Variants in SORCS2 observed in about 807,000 individuals in gnomAD.
SORCS2 encodes the protein sortilin related VPS10 domain containing receptor 2.
SORCS2 carries 100 observed loss-of-function variants against 141.6 expected under a neutral mutation model. That is an observed-to-expected ratio of 0.71 (90% CI 0.60 to 0.83). The LOEUF (loss-of-function observed/expected upper bound fraction) is 0.83, where lower values mean the gene tolerates loss of function less well. Among genes scored for constraint, SORCS2 ranks in the 40% least tolerant of loss-of-function variants. The pLI, the probability that SORCS2 is intolerant of heterozygous loss-of-function variation, is 0.00. For missense variants in SORCS2, 1,646 were observed against 1,560.2 expected (o/e 1.05, Z -0.93); for synonymous variants, 789 against 676.9 (o/e 1.17, Z -2.57).
chr4:7,473,409 ACCT>A (rs1230288663), intron 2 of SORCS2, among the ~76,000 whole-genome samples: 5 of 151,970 alleles, frequency 3.3e-5, no homozygotes, highest in African/African-American at 7.2e-5. Context: ...AGGACAGCTG[ACCT>A]CCTCGCAGGG....
chr4:7,539,337 G>A (rs182833062), intron 3 of SORCS2, among the ~76,000 whole-genome samples: 3 of 152,324 alleles, frequency 2.0e-5, no homozygotes, highest in African/African-American at 7.2e-5. Context: ...GGTACCACCT[G>A]CTCTCCAGGC....
rs530381112 is a variant in SORCS2, at chr4:7,559,812, C to A, written c.648+28183C>A. Among the ~76,000 whole-genome samples, 72 of 152,392 alleles carry A rather than the reference C, an allele frequency of 4.7e-4. 1 individual carries two copies. The South Asian group carries it at 0.015, about 32-fold the overall frequency. On this transcript the variant is annotated intron_variant, in intron 3 of 26. Coordinates refer to ENST00000507866, the MANE Select transcript of SORCS2 (RefSeq NM_020777.3). ...AACGGCTCTCCACAAGGGCATAGCC[C>A]AGCACAGGTGCCCACTGACCACTCG...
intron 3 of SORCS2, among the ~76,000 whole-genome samples, chr4:7,559,243 T>G (rs1362966554): frequency 6.6e-6 from 1 of 152,134 alleles, no homozygotes; most frequent in Admixed American, 6.5e-5. Flanking sequence ...CGGGCTTCCA[T>G]GGCTTTTTGT....
Position 7,232,858 on chromosome 4 carries a change from C to T in SORCS2, c.480+39732C>T, listed in dbSNP as rs59679785. Among the ~76,000 whole-genome samples the T allele has an allele frequency of 5.3e-3, 802 of 152,300 alleles. 6 individuals are homozygous for T. The highest frequency in any genetic ancestry group is 0.018 in the African/African-American group (768 of 41,556). Reference sequence around the variant, plus strand: ...CTGTCATGTGTCAGCCTCTGGGGGCCGAGCATGGTCTCAAAGTCAAGATTT... The same window carrying T: ...CTGTCATGTGTCAGCCTCTGGGGGCTGAGCATGGTCTCAAAGTCAAGATTT... On this transcript the variant is annotated intron_variant, in intron 1 of 26. Coordinates refer to ENST00000507866, the MANE Select transcript of SORCS2 (RefSeq NM_020777.3).
At chr4:7,613,649 C>T (rs543134001) in intron 3 of SORCS2, among the ~76,000 whole-genome samples, 2 of 152,190 alleles carry the variant, frequency 1.3e-5, no homozygotes, top group African/African-American at 2.4e-5. Context: ...AGATATCTCC[C>T]ACACTGGACA....
At chr4:7,652,833 G>A (rs976400836) in intron 4 of SORCS2, among the ~76,000 whole-genome samples, 2 of 152,208 alleles carry the variant, frequency 1.3e-5, no homozygotes, top group Non-Finnish European at 1.5e-5. Flanking sequence ...TGGTGGTTTT[G>A]GGCAGGGCCA....
At chr4:7,443,533 C>T (rs904753517) in intron 2 of SORCS2, among the ~76,000 whole-genome samples, 5 of 152,320 alleles carry the variant, frequency 3.3e-5, no homozygotes, top group African/African-American at 1.2e-4. Context: ...CCTTGAGAGA[C>T]GCTGAAACTT....
chr4:7,260,443 C>T (rs904989), intron 1 of SORCS2, among the ~76,000 whole-genome samples: 72,055 of 151,954 alleles, frequency 0.47, 18,544 homozygotes, highest in African/African-American at 0.68. Flanking sequence ...AATGGATTGA[C>T]TGATGGGCTG....
At chr4:7,268,509 G>A (rs756748440) in intron 1 of SORCS2, among the ~76,000 whole-genome samples, 17 of 152,308 alleles carry the variant, frequency 1.1e-4, no homozygotes, top group African/African-American at 1.7e-4. Context: ...AGGTGCCGTC[G>A]TTAATGAGGC....
At chr4:7,611,178 C>G (rs9884725) in intron 3 of SORCS2, among the ~76,000 whole-genome samples, 4,411 of 152,292 alleles carry the variant, frequency 0.029, 234 homozygotes, top group African/African-American at 0.1. Context: ...TTCTGAAAGA[C>G]TTTAGCTGGT....
chr4:7,413,576 T>G (rs964710674), intron 2 of SORCS2, among the ~76,000 whole-genome samples: 1 of 151,926 alleles, frequency 6.6e-6, no homozygotes, highest in Non-Finnish European at 1.5e-5. Flanking sequence ...TTAGTGGAGA[T>G]GGGGTTTTGC....
chr4:7,457,118 C>A (rs73086394), intron 2 of SORCS2, among the ~76,000 whole-genome samples: 1,555 of 152,294 alleles, frequency 0.01, 22 homozygotes, highest in African/African-American at 0.036. Flanking sequence ...TGTTGATTGA[C>A]TGACATCAGT....
intron 26 of SORCS2, among the ~76,000 whole-genome samples, chr4:7,739,297 T>A (rs997416080): frequency 3.3e-5 from 5 of 151,234 alleles, no homozygotes; most frequent in African/African-American, 1.2e-4. Context: ...GGGCAGGAGG[T>A]GGTTTTGGGG....
intron 2 of SORCS2, chr4:7,434,947 C>T (rs1244470100): frequency 1.4e-6 from 2 of 1,460,666 alleles, no homozygotes; most frequent in South Asian, 2.9e-5. Context: ...GGCTCTCCTG[C>T]CTGGCCCCAG....
chr4:7,559,804 G>A (rs1714402285), intron 3 of SORCS2, among the ~76,000 whole-genome samples: 1 of 152,200 alleles, frequency 6.6e-6, no homozygotes. Context: ...CTCCACAAGG[G>A]CATAGCCCAG....
In SORCS2 at chr4:7,434,390, G is replaced by A. The variant is rs777301743; in HGVS notation, c.548+38035G>A. The A allele has an allele frequency of 2.7e-5, 43 of 1,607,398 alleles. No individual in the cohort carries two copies. The highest frequency in any genetic ancestry group is 3.6e-5 in the Non-Finnish European group (42 of 1,177,572). ...GTAAGGGGCCCATTGGCCATGAACGGAGCCACAGCCTCAAAGGTGTCCTCT... is the reference window on the plus strand; with the variant it reads ...GTAAGGGGCCCATTGGCCATGAACGAAGCCACAGCCTCAAAGGTGTCCTCT... On this transcript the variant is annotated intron_variant, in intron 2 of 26. Transcript: ENST00000507866.
intron 4 of SORCS2, among the ~76,000 whole-genome samples, chr4:7,639,978 G>C (rs1411018567): frequency 6.6e-6 from 1 of 150,862 alleles, no homozygotes; most frequent in Non-Finnish European, 1.5e-5. Context: ...TCTGAGTGTA[G>C]ATGTGAGCAC....
rs1167467986 is a variant in SORCS2 at position 7,233,103 on chromosome 4, T to C, written c.480+39977T>C. ...GGCACCCGCATGTTCAACTACTGCCTTCCTGATGGAGGAGGCTGGGCTGGG... is the reference window on the plus strand; with the variant it reads ...GGCACCCGCATGTTCAACTACTGCCCTCCTGATGGAGGAGGCTGGGCTGGG... On this transcript the variant is annotated intron_variant, in intron 1 of 26. Coordinates refer to ENST00000507866, the MANE Select transcript of SORCS2 (RefSeq NM_020777.3). This position sits in a 1 kb window ranked among gnomAD's most constrained non-coding sequence, Gnocchi z 4.5. Among the ~76,000 whole-genome samples, 1 of 152,142 alleles carries C rather than the reference T, an allele frequency of 6.6e-6. No homozygotes were observed. The highest frequency in any genetic ancestry group is 1.5e-5 in the Non-Finnish European group (1 of 68,012).
intron 2 of SORCS2, among the ~76,000 whole-genome samples, chr4:7,524,939 T>C (rs1286289973): frequency 2.0e-5 from 3 of 152,156 alleles, no homozygotes; most frequent in Admixed American, 2.0e-4. Flanking sequence ...GAGGATCCTG[T>C]CCCCCGAGCA....
Sources: gnomAD v4.1 joint callset for allele counts (sites outside exome capture counted in the v4.1 genomes callset) on GRCh38, gnomAD v4.1.1 for gene constraint, Gnocchi (gnomAD v3.1) non-coding constraint, MANE v1.5 for transcripts, NCBI Gene and HGNC (gene_info 2026-07-23, HGNC 2026-07-21) for gene names.